CYTH1: variants seen among roughly 807,000 people sequenced by gnomAD.
CYTH1 encodes the protein cytohesin-1.
CYTH1 carries 18 observed loss-of-function variants against 61.8 expected under a neutral mutation model. The observed-to-expected ratio is 0.29, with a 90% CI of 0.20 to 0.43. The LOEUF (loss-of-function observed/expected upper bound fraction) is 0.43, where lower values mean the gene tolerates loss of function less well. Among genes scored for constraint, CYTH1 ranks in the 20% least tolerant of loss-of-function variants. The pLI is 1.00. For missense variants in CYTH1, 336 were observed against 510.5 expected (o/e 0.66, Z 3.29); for synonymous variants, 174 against 184.3 (o/e 0.94, Z 0.45).
chr17:78,761,898 T>G (rs940145219), intron 1 of CYTH1, among the ~76,000 whole-genome samples: 1 of 152,198 alleles, frequency 6.6e-6, no homozygotes, highest in African/African-American at 2.4e-5. Flanking sequence ...ACATTTGGTT[T>G]TGTATCCTTA....
At chr17:78,740,492 C>G (rs566365709) in intron 1 of CYTH1, among the ~76,000 whole-genome samples, 9 of 152,196 alleles carry the variant, frequency 5.9e-5, no homozygotes, top group Admixed American at 2.6e-4. Flanking sequence ...GCACAGCAGG[C>G]CACCTCATAG....
intron 11 of CYTH1, among the ~76,000 whole-genome samples, chr17:78,681,826 A>G (rs570881225): frequency 7.3e-6 from 1 of 137,876 alleles, no homozygotes; most frequent in Admixed American, 7.3e-5. Flanking sequence ...TGACAGAGCA[A>G]GACTCTGTCT....
chr17:78,681,093 C>T, intron 11 of CYTH1, 51 bp from the exon 12 acceptor site: 4 of 1,576,178 alleles, frequency 2.5e-6, no homozygotes, highest in East Asian at 2.2e-5. Context: ...TAAGGACACA[C>T]ACTGTCAGAT....
intron 10 of CYTH1, 67 bp from the exon 11 acceptor site, chr17:78,692,560 C>T (rs2092899248): frequency 1.4e-6 from 2 of 1,456,068 alleles, no homozygotes; most frequent in African/African-American, 1.4e-5. Flanking sequence ...CCACGACACA[C>T]ACGACACCCT....
intron 10 of CYTH1, among the ~76,000 whole-genome samples, chr17:78,693,574 T>C (rs1038020386): frequency 4.7e-5 from 7 of 150,130 alleles, no homozygotes; most frequent in African/African-American, 1.7e-4. Flanking sequence ...TGAGCCAAGA[T>C]TGCACCACTG....
intron 1 of CYTH1, among the ~76,000 whole-genome samples, chr17:78,716,132 A>G (rs2093178560): frequency 6.6e-6 from 1 of 152,222 alleles, no homozygotes; most frequent in South Asian, 2.1e-4. Context: ...CTGCATCCTC[A>G]TCCATCATAG....
intron 1 of CYTH1, among the ~76,000 whole-genome samples, chr17:78,764,304 C>A (rs1345843526): frequency 6.7e-6 from 1 of 149,788 alleles, no homozygotes; most frequent in Non-Finnish European, 1.5e-5. Flanking sequence ...TCAAGCAATT[C>A]TCCTGCCTCA....
At chr17:78,779,110 A>G (rs564048672) in intron 1 of CYTH1, among the ~76,000 whole-genome samples, 1 of 152,260 alleles carries the variant, frequency 6.6e-6, no homozygotes, top group East Asian at 1.9e-4. Context: ...AACTGTAGAA[A>G]GGGGAACAGG....
At chr17:78,676,415 T>C (rs548997983) in intron 13 of CYTH1, 41 of 528,228 alleles carry the variant, frequency 7.8e-5, no homozygotes, top group Non-Finnish European at 1.3e-4. Flanking sequence ...TGTTTCAACA[T>C]AATAATCAAT....
chr17:78,676,522 T>C, intron 13 of CYTH1: 1 of 294,572 alleles, frequency 3.4e-6, no homozygotes. Context: ...CATCTGACTT[T>C]GCTTTGCAGC....
In CYTH1 at chr17:78,701,756, C is replaced by T. The variant is rs1471985903; in HGVS notation, c.357-5G>A. 7.4e-6 allele frequency: 12 copies of T among 1,613,884 alleles called. No homozygotes were observed. The highest frequency in any genetic ancestry group is 1.6e-4 in the Middle Eastern group (1 of 6,084). On this transcript the variant is annotated splice_region_variant and splice_polypyrimidine_tract_variant and intron_variant, in intron 5 of 13. Coordinates refer to ENST00000446868, the MANE Select transcript of CYTH1 (RefSeq NM_004762.6). ...ACCTGGATATTAAACTCATCTCTAT[C>T]GAGAAAAGACAAAAAATGGGAGAGA...
intron 1 of CYTH1, among the ~76,000 whole-genome samples, chr17:78,752,209 G>A (rs2093383055): frequency 6.6e-6 from 1 of 152,180 alleles, no homozygotes; most frequent in African/African-American, 2.4e-5. Context: ...TCCATGTTCA[G>A]ATTTCTTTTT....
chr17:78,678,968 A>G (rs150032149), intron 13 of CYTH1, among the ~76,000 whole-genome samples: 247 of 152,372 alleles, frequency 1.6e-3, no homozygotes, highest in Non-Finnish European at 2.7e-3. Context: ...TTTTCATTGC[A>G]TGAATTTTCA....
At chr17:78,761,707 C>G (rs1361883858) in intron 1 of CYTH1, among the ~76,000 whole-genome samples, 2 of 152,150 alleles carry the variant, frequency 1.3e-5, no homozygotes, top group Admixed American at 1.3e-4. Context: ...CACTGCACTC[C>G]AGCCTGGGGG....
intron 1 of CYTH1, among the ~76,000 whole-genome samples, chr17:78,733,587 AG>A (rs996892887): frequency 6.6e-6 from 1 of 152,246 alleles, no homozygotes; most frequent in Non-Finnish European, 1.5e-5. Context: ...CAGAAAGTGA[AG>A]GCCAGTGGGG....
intron 13 of CYTH1, chr17:78,677,188 G>A: frequency 4.9e-6 from 2 of 407,248 alleles, no homozygotes; most frequent in Non-Finnish European, 9.9e-6. Context: ...GTGCTTTCAC[G>A]AGGGAATCTG....
intron 1 of CYTH1, among the ~76,000 whole-genome samples, chr17:78,752,674 C>A (rs1351682689): frequency 6.6e-6 from 1 of 152,162 alleles, no homozygotes; most frequent in Admixed American, 6.5e-5. Flanking sequence ...CATGATCCAC[C>A]CGCCTCAGCC....
In CYTH1 at chr17:78,721,663, C is replaced by T. The variant is rs375505056; in HGVS notation, c.23-11931G>A. 5.3e-5 allele frequency among the ~76,000 whole-genome samples: 8 copies of T among 152,312 alleles called. No homozygotes were observed. In the East Asian group the frequency reaches 1.3e-3, roughly 26 times the overall value. On this transcript the variant is annotated intron_variant, in intron 1 of 13. Transcript: ENST00000446868. ...TGGGCTTTCACTCACTACTTTGTGA[C>T]CTGGAGCAAACAATCACCTCTTCCA...
intron 9 of CYTH1, among the ~76,000 whole-genome samples, chr17:78,696,525 A>T (rs1567837076): frequency 6.6e-6 from 1 of 152,258 alleles, no homozygotes; most frequent in Non-Finnish European, 1.5e-5. Flanking sequence ...ACACAGCTAC[A>T]GACGGCTGGA....
Sources: allele counts gnomAD v4.1 joint callset (sites outside exome capture counted in the v4.1 genomes callset), GRCh38; gene constraint gnomAD v4.1.1; transcripts MANE v1.5; gene names NCBI Gene and HGNC (gene_info 2026-07-23, HGNC 2026-07-21).